The following SHPRH variants were observed in gnomAD, a reference collection of about 807,000 sequenced individuals.
SHPRH encodes E3 ubiquitin-protein ligase SHPRH.
A neutral mutation model predicts 202.5 loss-of-function variants in SHPRH; 106 were observed. That is an observed-to-expected ratio of 0.52 (90% confidence interval 0.45 to 0.62). The LOEUF is 0.62. Ranked by LOEUF, SHPRH falls within the 20% of genes least tolerant of loss-of-function variation. The probability of loss-of-function intolerance (pLI) is 0.00; values close to 1 mark genes in which losing one functional copy is unlikely to be tolerated. For synonymous variants in SHPRH, 729 were observed against 686.0 expected, an observed-to-expected ratio of 1.06 and a Z score of -0.98; for missense variants, 1,710 against 2,020.0, an observed-to-expected ratio of 0.85 and a Z score of 2.94.
chr6:145,862,310 C>G (rs958164467), downstream of SHPRH, among the ~76,000 whole-genome samples: 1 of 151,760 alleles, frequency 6.6e-6, no homozygotes, highest in African/African-American at 2.4e-5. Context: ...AAAAATTAGC[C>G]GGGCGCGGTG....
intron 28 of SHPRH, among the ~76,000 whole-genome samples, chr6:145,889,074 G>C (rs528945100): frequency 9.9e-5 from 15 of 152,158 alleles, no homozygotes; most frequent in Non-Finnish European, 1.5e-4. Flanking sequence ...TATCCAAGGT[G>C]AGTCCAGAGA....
chr6:145,921,051 C>T, intron 21 of SHPRH, 116 bp downstream of exon 21: 4 of 812,234 alleles, frequency 4.9e-6, no homozygotes, highest in Non-Finnish European at 7.5e-6. Context: ...AGAAATTATG[C>T]CACCTCAATC....
chr6:145,942,201 C>A (rs1434031870), intron 9 of SHPRH, among the ~76,000 whole-genome samples: 2 of 152,044 alleles, frequency 1.3e-5, no homozygotes, highest in South Asian at 4.2e-4. Context: ...GAGAAAAGGG[C>A]TATATGTAGG....
rs775283719 is a variant in SHPRH at position 145,941,819 on chromosome 6, T to C, written c.2294A>G (p.Gln765Arg). 2.5e-6 allele frequency: 4 copies of C among 1,613,880 alleles called. No homozygotes were observed. In the African/African-American group the frequency reaches 5.3e-5, roughly 22 times the overall value. ...GFLQPHFLAEQDIVIITYDVL... is the reference protein window; with the variant it reads ...GFLQPHFLAERDIVIITYDVL... Reference sequence around the variant, plus strand: ...ATCATAGGTAATGATAACTATATCCTGTTCTGCCAAAAAATGAGGTTGTAA... The same window carrying C: ...ATCATAGGTAATGATAACTATATCCCGTTCTGCCAAAAAATGAGGTTGTAA... Residue 765 changes from glutamine (Q) to arginine (R), a missense_variant, in exon 10 of 30, where the codon CAG (glutamine) becomes CGG (arginine). Transcript: ENST00000275233.
chr6:145,932,369 T>C (rs566960738), intron 14 of SHPRH, among the ~76,000 whole-genome samples: 1 of 152,288 alleles, frequency 6.6e-6, no homozygotes, highest in Non-Finnish European at 1.5e-5. Context: ...TGTAAGATAT[T>C]AGACCTAATG....
At chr6:145,862,449 A>AAAAAAC (rs1562265365), downstream of SHPRH, among the ~76,000 whole-genome samples, 1 of 151,350 alleles carries the variant, frequency 6.6e-6, no homozygotes, top group Non-Finnish European at 1.5e-5. Flanking sequence ...AAAAAAACAA[A>AAAAAAC]AACAACAACA....
rs536961954 is a variant in SHPRH at position 145,923,572 on chromosome 6, A to G, written c.3545+71T>C. 422 of 1,554,992 alleles carry G rather than the reference A, an allele frequency of 2.7e-4. 5 individuals are homozygous for G. The East Asian group carries it at 9.4e-3, about 35-fold the overall frequency. On this transcript the variant is annotated intron_variant, in intron 18 of 29. Transcript: ENST00000275233. The stretch of plus-strand genomic sequence containing the variant: ...AAAGCCGGTAATAATGAGAAATTAG[A>G]AACTAGAAAATACAAGGATTTCTTT...
Position 145,886,632 on chromosome 6 carries a change from C to T in SHPRH, c.*59G>A, listed in dbSNP as rs1781034180. ...TGGGTTTTTAAAACTTGTAACTTTG[C>T]TCTACAGCTATGAAAGTTTATTAAT... On this transcript the variant is annotated 3_prime_UTR_variant, in exon 30 of 30. Coordinates refer to ENST00000275233, the MANE Select transcript of SHPRH (RefSeq NM_001042683.3). 3 of 1,591,936 alleles carry T rather than the reference C, an allele frequency of 1.9e-6. No homozygotes were observed.
At chr6:145,941,435 G>A (rs888298587) in intron 10 of SHPRH, among the ~76,000 whole-genome samples, 188 bp downstream of exon 10, 4 of 152,160 alleles carry the variant, frequency 2.6e-5, no homozygotes, top group Admixed American at 1.3e-4. Context: ...ACAGAGTACA[G>A]AACTAATTTC....
At chr6:145,916,687 T>G (rs947129776) in intron 23 of SHPRH, among the ~76,000 whole-genome samples, 1 of 152,184 alleles carries the variant, frequency 6.6e-6, no homozygotes, top group African/African-American at 2.4e-5. Context: ...AACAATGACG[T>G]ACAAGATAAC....
At chr6:145,948,210 TCAGA>T in intron 5 of SHPRH, 58 bp downstream of exon 5, 1 of 1,284,522 alleles carries the variant, frequency 7.8e-7, no homozygotes, top group Non-Finnish European at 1.1e-6. Flanking sequence ...GCTAACAATC[TCAGA>T]CAGTTTTTCA....
In SHPRH at chr6:145,886,595, A is replaced by G; in HGVS notation, c.*96T>C. On this transcript the variant is annotated 3_prime_UTR_variant, in exon 30 of 30. Coordinates refer to ENST00000275233, the MANE Select transcript of SHPRH (RefSeq NM_001042683.3). ...AATTCATTCAACTAGGAACAGTGTT[A>G]CTGTTATCTACTGGGTTTTTAAAAC... is the stretch of plus-strand genomic sequence containing the variant. 2 of 1,546,156 alleles carry G rather than the reference A, an allele frequency of 1.3e-6. No individual in the cohort carries two copies. Among genetic ancestry groups the G allele is most frequent in the Non-Finnish European group, 1.7e-6 (2 of 1,147,126 alleles).
rs1788351813 is a variant in SHPRH at position 145,954,982 on chromosome 6, G to A, written c.341C>T (p.Ala114Val). ...CTGAAGAGTTAATTCTCCTAGAAAT[G>A]CTTTCCAGGAATTATCAAAATGATA... is the stretch of plus-strand genomic sequence containing the variant. ...SPYHFDNSWK[A>V]FLGELTLQLL... The change falls in exon 2 of 30, where the codon GCA becomes GTA. Residue 114 changes from alanine (A) to valine (V), a missense_variant. Physicochemically the swap from Ala to Val is moderately conservative, Grantham distance 64. Transcript: ENST00000275233. The A allele has an allele frequency of 6.2e-7, 1 of 1,613,600 alleles. No homozygotes were observed. The highest frequency in any genetic ancestry group is 1.3e-5 in the African/African-American group (1 of 74,896).
In SHPRH at chr6:145,958,715, C is replaced by T. The variant is rs115571696; in HGVS notation, c.-32-3361G>A. Among the ~76,000 whole-genome samples the T allele has an allele frequency of 3.6e-3, 545 of 152,258 alleles. 4 individuals carry two copies. Among genetic ancestry groups the T allele is most frequent in the African/African-American group, 0.013 (520 of 41,552 alleles). Reference sequence around the variant, plus strand: ...CTACTTAACTTTCAATACAGTTATGCATTGTATAATGACATTTTGGTCAAT... The same window carrying T: ...CTACTTAACTTTCAATACAGTTATGTATTGTATAATGACATTTTGGTCAAT... On this transcript the variant is annotated intron_variant, in intron 1 of 29. Coordinates refer to ENST00000275233, the MANE Select transcript of SHPRH (RefSeq NM_001042683.3).
intron 14 of SHPRH, chr6:145,927,480 GAATAT>G (rs1784984935): frequency 4.9e-6 from 2 of 404,288 alleles, no homozygotes; most frequent in Admixed American, 3.9e-5. Flanking sequence ...TAATTCCATG[GAATAT>G]AATGTTCTTA....
At chr6:145,871,925 T>C (rs1780073975) in intron 2 of SHPRH, among the ~76,000 whole-genome samples, 1 of 152,078 alleles carries the variant, frequency 6.6e-6, no homozygotes, top group Non-Finnish European at 1.5e-5. Context: ...TTGACAAACC[T>C]GACAAAAACA....
At chr6:145,889,305 T>C (rs1238313954) in intron 28 of SHPRH, among the ~76,000 whole-genome samples, 2 of 151,944 alleles carry the variant, frequency 1.3e-5, no homozygotes, top group Non-Finnish European at 2.9e-5. Flanking sequence ...AGTGATATGG[T>C]GGGGAGAAAA....
chr6:145,879,757 A>C (rs964973664), intron 2 of SHPRH, among the ~76,000 whole-genome samples: 26 of 152,016 alleles, frequency 1.7e-4, no homozygotes, highest in African/African-American at 5.1e-4. Context: ...CTAAAAATAC[A>C]AACATTATCT....
In SHPRH at chr6:145,943,267, T is replaced by G. The variant is rs749938282; in HGVS notation, c.2114A>C (p.His705Pro). The change falls in exon 9 of 30, where the codon CAC (histidine) becomes CCC (proline). Residue 705 changes from histidine (H) to proline (P), a missense_variant. Transcript: ENST00000275233. ...CACTGGTTCCATTGCAACAAGGCAG[T>G]GGGGGCAGTAAAAAGGCTTGATCTT... The part of the protein sequence containing the change: ...NLKIKPFYCP[H>P]CLVAMEPVST... 6.2e-7 allele frequency: 1 copy of G among 1,613,570 alleles called. No homozygotes were observed. The highest frequency in any genetic ancestry group is 2.2e-5 in the East Asian group (1 of 44,858).
Sources: allele counts gnomAD v4.1 joint callset (sites outside exome capture counted in the v4.1 genomes callset), GRCh38; gene constraint gnomAD v4.1.1; transcripts MANE v1.5; gene names NCBI Gene and HGNC (gene_info 2026-07-23, HGNC 2026-07-21).